Variants in ZNF534 observed in about 807,000 individuals in gnomAD.
The protein encoded by ZNF534 is KRAB domain only 3.
In ZNF534, 19 loss-of-function variants were observed where a neutral mutation model predicts 13.6. The ratio of observed to expected loss-of-function variants is 1.40; its 90% CI spans 0.97 to 2.05. ZNF534 has a LOEUF of 2.05. ZNF534 is among the 30% of genes most tolerant of loss of function. The probability of loss-of-function intolerance (pLI) is 0.00; values close to 1 mark genes in which losing one functional copy is unlikely to be tolerated. For synonymous variants in ZNF534, 244 were observed against 273.8 expected, an observed-to-expected ratio of 0.89 and a Z score of 1.07; for missense variants, 782 against 796.3, an observed-to-expected ratio of 0.98 and a Z score of 0.22.
chr19:52,451,060 A>G (rs1213161587), intron 4 of ZNF534: 2 of 531,284 alleles, frequency 3.8e-6, no homozygotes, highest in African/African-American at 2.0e-5. Flanking sequence ...GAATATGTAC[A>G]TTGCGTTTGG....
chr19:52,435,055 C>T (rs767598370), intron 3 of ZNF534, 26 bp from the exon 4 acceptor site: 3 of 1,607,834 alleles, frequency 1.9e-6, no homozygotes, highest in Non-Finnish European at 2.5e-6. Flanking sequence ...CCACAGCACA[C>T]ATTTATTCTT....
chr19:52,439,135 T>C lies in ZNF534; in HGVS notation c.1675T>C (p.Phe559Leu), dbSNP rs1265756040. 6.3e-7 allele frequency: 1 copy of C among 1,594,886 alleles called. No individual in the cohort carries two copies. Among genetic ancestry groups the C allele is most frequent in the Non-Finnish European group, 8.5e-7 (1 of 1,170,196 alleles). Residue 559 changes from phenylalanine to leucine, a missense_variant, in exon 5 of 5, where the codon TTC (phenylalanine) becomes CTC (leucine). This residue lies in a region of ZNF534 where 591 missense variants were observed against 574.0 expected (regional missense o/e 1.03). Transcript: ENST00000433050. ...PYSCNECGKV[F>L]SRNSHLARHR... ...CAGTTGTAATGAATGTGGCAAGGTC[T>C]TCAGTCGGAATTCACACCTTGCGCG...
At chr19:52,448,900 C>G (rs1017074131) in intron 4 of ZNF534, among the ~76,000 whole-genome samples, 1 of 152,120 alleles carries the variant, frequency 6.6e-6, no homozygotes. Context: ...TTGAAATATA[C>G]AATAAATTAT....
chr19:52,433,820 G>C, intron 2 of ZNF534, 135 bp from the exon 3 acceptor site: 2 of 945,786 alleles, frequency 2.1e-6, no homozygotes, highest in Non-Finnish European at 3.4e-6. Flanking sequence ...CACATAACTA[G>C]CTCAAGAATC....
chr19:52,448,444 T>C (rs1434942333), intron 4 of ZNF534, among the ~76,000 whole-genome samples: 2 of 152,064 alleles, frequency 1.3e-5, no homozygotes, highest in South Asian at 2.1e-4. Flanking sequence ...TGGTGTTCCA[T>C]CTACTTGTGA....
rs324102 is a variant in ZNF534 at position 52,452,167 on chromosome 19, T to G, written c.*670T>G. 7.8e-3 allele frequency: 1,246 copies of G among 160,586 alleles called. 18 individuals are homozygous for G. Among genetic ancestry groups the G allele is most frequent in the African/African-American group, 0.029 (1,196 of 41,464 alleles). The allele number at this position is 160,586 out of a possible 1,614,324, so 9.9% of individuals were successfully genotyped here. A position where few individuals can be genotyped will look rare whatever the true frequency, so the allele number is the denominator to read the frequency against. On this transcript the variant is annotated 3_prime_UTR_variant, in exon 5 of 5. Transcript: ENST00000301085. ...TTGTTTTTCTGCAGTTGATGGTTATTTGTAAATCTACTTTGTGGTGACCTG... is the reference window on the plus strand; with the variant it reads ...TTGTTTTTCTGCAGTTGATGGTTATGTGTAAATCTACTTTGTGGTGACCTG...
chr19:52,451,824 G>A (rs1379666739), exon 5 of ZNF534: 6 of 781,014 alleles, frequency 7.7e-6, no homozygotes, highest in Non-Finnish European at 1.3e-5. Context: ...TCAAAAAAAG[G>A]TGATCGAATT....
downstream of ZNF534, among the ~76,000 whole-genome samples, chr19:52,443,635 A>G (rs548226133): frequency 6.6e-6 from 1 of 152,104 alleles, no homozygotes; most frequent in Non-Finnish European, 1.5e-5. Context: ...CTATAGCCCC[A>G]GCTACTCAGG....
chr19:52,449,339 G>A (rs2608536), intron 4 of ZNF534, among the ~76,000 whole-genome samples: 139,065 of 151,932 alleles, frequency 0.92, 63,983 homozygotes, highest in Non-Finnish European at 0.96. Context: ...TTTGATATCC[G>A]GATTTCCATC....
chr19:52,451,718 A>G, exon 5 of ZNF534: 1 of 681,060 alleles, frequency 1.5e-6, no homozygotes. Context: ...TTGGCTGCAA[A>G]ACACTTTGTT....
At chr19:52,432,719 G>A (rs2059096172) in intron 2 of ZNF534, among the ~76,000 whole-genome samples, 1 of 151,404 alleles carries the variant, frequency 6.6e-6, no homozygotes, top group South Asian at 2.1e-4. Context: ...TGCAACCTCT[G>A]CCTCCTGGCT....
Position 52,438,231 on chromosome 19 carries a change from T to G in ZNF534, c.771T>G (p.Leu257=), listed in dbSNP as rs1289552779. Residue 257 remains leucine, a synonymous_variant, in exon 5 of 5, where the codon CTT becomes CTG. Transcript: ENST00000433050. ...AAGTCTTCAATCAGAATTCACACCT[T>G]GCACAACATCAGAAAATTCATACTG... ...CGKVFNQNSH[L]AQHQKIHTGQ... 2 of 1,614,012 alleles carry G rather than the reference T, an allele frequency of 1.2e-6. No homozygotes were observed. The highest frequency in any genetic ancestry group is 1.7e-6 in the Non-Finnish European group (2 of 1,179,972).
At chr19:52,430,756 C>T (rs1049109676) in intron 1 of ZNF534, among the ~76,000 whole-genome samples, 4 of 151,926 alleles carry the variant, frequency 2.6e-5, no homozygotes, top group South Asian at 2.1e-4. Context: ...CCATCTTGGC[C>T]AGGCTGATCT....
At position 52,442,477 on chromosome 19, in the gene ZNF534, A is replaced by G. The variant is rs117369949; in HGVS notation, c.*3031A>G. On this transcript the variant is annotated 3_prime_UTR_variant, in exon 5 of 5. Transcript: ENST00000433050. The stretch of plus-strand genomic sequence containing the variant: ...AATGCTTATCACTGGCTTGCTCTCA[A>G]TAAATATGTGGGTCAAACTCTGTTC... Among the ~76,000 whole-genome samples, 527 of 152,320 alleles carry G rather than the reference A, an allele frequency of 3.5e-3. 10 individuals carry two copies. The East Asian group carries it at 0.055, about 16-fold the overall frequency.
downstream of ZNF534, among the ~76,000 whole-genome samples, chr19:52,446,643 A>G (rs1254957468): frequency 2.0e-5 from 3 of 152,298 alleles, no homozygotes; most frequent in South Asian, 4.1e-4. Context: ...GAATCATTTG[A>G]GCTCAGGCCT....
chr19:52,451,653 ACATT>A, exon 5 of ZNF534: 1 of 654,476 alleles, frequency 1.5e-6, no homozygotes, highest in Non-Finnish European at 2.7e-6. Flanking sequence ...GTGAAAACGG[ACATT>A]CAGACAGCGC....
chr19:52,446,645 C>G (rs895682898), downstream of ZNF534, among the ~76,000 whole-genome samples: 1 of 152,114 alleles, frequency 6.6e-6, no homozygotes, highest in South Asian at 2.1e-4. Context: ...ATCATTTGAG[C>G]TCAGGCCTTC....
At chr19:52,444,600 G>A (rs1475077944), downstream of ZNF534, among the ~76,000 whole-genome samples, 1 of 151,990 alleles carries the variant, frequency 6.6e-6, no homozygotes, top group Non-Finnish European at 1.5e-5. Flanking sequence ...TACCAGGGTG[G>A]GTAAGGAAGG....
downstream of ZNF534, among the ~76,000 whole-genome samples, chr19:52,445,719 T>TA (rs2059192366): frequency 1.0e-4 from 1 of 9,782 alleles, no homozygotes; most frequent in African/African-American, 3.7e-4. Context: ...GCTTCCTAAT[T>TA]TACTCTTGCA....
Sources: gnomAD v4.1 joint callset for allele counts (sites outside exome capture counted in the v4.1 genomes callset) on GRCh38, gnomAD v4.1.1 for gene constraint, gnomAD v4.1.1 regional missense constraint, MANE v1.5 for transcripts, NCBI Gene and HGNC (gene_info 2026-07-23, HGNC 2026-07-21) for gene names.